HMGCLL1: variants seen among roughly 807,000 people sequenced by gnomAD.
HMGCLL1 encodes 3-hydroxymethyl-3-methylglutaryl-CoA lyase, cytoplasmic.
HMGCLL1 carries 36 observed loss-of-function variants against 39.1 expected under a neutral mutation model. The observed-to-expected ratio is 0.92, with a 90% confidence interval of 0.71 to 1.22. The LOEUF is 1.22. Among genes scored for constraint, HMGCLL1 ranks in the 50% most tolerant of loss-of-function variants. The pLI is 0.00. For missense variants in HMGCLL1, 451 were observed against 416.5 expected, an observed-to-expected ratio of 1.08 and a Z score of -0.72; for synonymous variants, 149 against 144.0, an observed-to-expected ratio of 1.03 and a Z score of -0.25.
intron 1 of HMGCLL1, among the ~76,000 whole-genome samples, chr6:55,547,769 C>T (rs1770074712): frequency 6.6e-6 from 1 of 151,962 alleles, no homozygotes; most frequent in African/African-American, 2.4e-5. Context: ...TTGAAATATG[C>T]ACATGGTGCA....
chr6:55,608,299 C>T, the HMGCLL1 span, among the ~76,000 whole-genome samples: 2 of 152,200 alleles, frequency 1.3e-5, no homozygotes, highest in African/African-American at 2.4e-5. Context: ...AAAGTCAACA[C>T]TCTTGCACTT....
At chr6:55,585,253 A>C in the HMGCLL1 span, among the ~76,000 whole-genome samples, 3 of 152,128 alleles carry the variant, frequency 2.0e-5, no homozygotes, top group Non-Finnish European at 4.4e-5. Flanking sequence ...ACATTTATCC[A>C]GATGTAGGAG....
the HMGCLL1 span, among the ~76,000 whole-genome samples, chr6:55,635,647 G>C: frequency 6.6e-6 from 1 of 152,090 alleles, no homozygotes; most frequent in Admixed American, 6.6e-5. Flanking sequence ...TGTGGAGAAG[G>C]TGCTGCATTA....
the HMGCLL1 span, among the ~76,000 whole-genome samples, chr6:55,600,978 A>G: frequency 6.6e-6 from 1 of 152,200 alleles, no homozygotes; most frequent in East Asian, 1.9e-4. Context: ...AGAAAGAGGT[A>G]TGTAATTTAA....
At chr6:55,538,652 AGTAATATGG>A (rs1581916535) in intron 3 of HMGCLL1, among the ~76,000 whole-genome samples, 1 of 152,200 alleles carries the variant, frequency 6.6e-6, no homozygotes, top group Non-Finnish European at 1.5e-5. Context: ...GAGAATTGAA[AGTAATATGG>A]TATTGTTCTC....
intron 3 of HMGCLL1, among the ~76,000 whole-genome samples, chr6:55,529,995 C>T (rs1315250373): frequency 1.4e-5 from 2 of 141,822 alleles, no homozygotes; most frequent in Non-Finnish European, 3.0e-5. Flanking sequence ...ATTGCTCTAC[C>T]AGAAAGCATG....
At chr6:55,654,548 T>G in the HMGCLL1 span, among the ~76,000 whole-genome samples, 1 of 151,882 alleles carries the variant, frequency 6.6e-6, no homozygotes, top group Non-Finnish European at 1.5e-5. Flanking sequence ...TCCTGGCAAT[T>G]AAAAGTTCTG....
At chr6:55,484,881 T>C (rs552001276) in intron 7 of HMGCLL1, among the ~76,000 whole-genome samples, 42 of 151,718 alleles carry the variant, frequency 2.8e-4, no homozygotes, top group African/African-American at 1.0e-3. Flanking sequence ...CCTTTTGAAA[T>C]GCAAGCCAGG....
Position 55,467,097 on chromosome 6 carries a change from C to A in HMGCLL1, c.796-27538G>T, listed in dbSNP as rs142509193. ...AACCTCCGTGGCCTTACCATAATGT[C>A]TTTTTGCCTGGAATCCTTGTCTATA... On this transcript the variant is annotated intron_variant, in intron 7 of 8. Coordinates refer to ENST00000274901, the MANE Select transcript of HMGCLL1 (RefSeq NM_001042406.2). 2.9e-3 allele frequency among the ~76,000 whole-genome samples: 439 copies of A among 152,118 alleles called. 1 individual carries two copies. Among genetic ancestry groups the A allele is most frequent in the Non-Finnish European group, 3.6e-3 (243 of 67,984 alleles).
the HMGCLL1 span, among the ~76,000 whole-genome samples, chr6:55,670,389 A>T: frequency 3.3e-5 from 5 of 152,008 alleles, no homozygotes; most frequent in South Asian, 1.0e-3. Context: ...AAATTATACC[A>T]GAAGAAAATA....
chr6:55,634,200 G>T, the HMGCLL1 span, among the ~76,000 whole-genome samples: 1 of 151,972 alleles, frequency 6.6e-6, no homozygotes, highest in Non-Finnish European at 1.5e-5. Flanking sequence ...GAGCAGGGAG[G>T]TCATTAGCCA....
the HMGCLL1 span, among the ~76,000 whole-genome samples, chr6:55,674,541 C>T: frequency 6.6e-6 from 1 of 151,934 alleles, no homozygotes; most frequent in Non-Finnish European, 1.5e-5. Flanking sequence ...GTAAATTTAC[C>T]TTTCCTCCAT....
At chr6:55,676,401 C>G in the HMGCLL1 span, among the ~76,000 whole-genome samples, 2 of 152,120 alleles carry the variant, frequency 1.3e-5, no homozygotes, top group African/African-American at 4.8e-5. Context: ...TTCAGACCAA[C>G]GTCTTCCAAA....
the HMGCLL1 span, among the ~76,000 whole-genome samples, chr6:55,663,237 A>G: frequency 2.7e-5 from 4 of 149,322 alleles, no homozygotes; most frequent in African/African-American, 7.4e-5. Flanking sequence ...TTTGGGGTTG[A>G]TTTTCTTTTG....
the HMGCLL1 span, among the ~76,000 whole-genome samples, chr6:55,661,058 G>T: frequency 6.6e-6 from 1 of 151,758 alleles, no homozygotes; most frequent in East Asian, 1.9e-4. Context: ...CTTTTTAATG[G>T]GGTTGTTTGT....
At chr6:55,474,774 T>C (rs972721049) in intron 7 of HMGCLL1, among the ~76,000 whole-genome samples, 1 of 151,626 alleles carries the variant, frequency 6.6e-6, no homozygotes. Flanking sequence ...AGATTATATG[T>C]TTATCTGGCT....
the HMGCLL1 span, among the ~76,000 whole-genome samples, chr6:55,651,378 C>T: frequency 6.6e-6 from 1 of 152,014 alleles, no homozygotes; most frequent in Admixed American, 6.6e-5. Context: ...AGAAATGTTA[C>T]CTATAAGCTA....
At chr6:55,553,180 C>T (rs1485535312) in intron 1 of HMGCLL1, among the ~76,000 whole-genome samples, 2 of 75,452 alleles carry the variant, frequency 2.7e-5, no homozygotes, top group African/African-American at 1.1e-4. Flanking sequence ...TATATACATA[C>T]ACACACACAC....
chr6:55,510,037 T>C, intron 5 of HMGCLL1, among the ~76,000 whole-genome samples: 1 of 151,884 alleles, frequency 6.6e-6, no homozygotes, highest in East Asian at 1.9e-4. Context: ...TAATCTATGT[T>C]TGTCTCTATT....
Sources: allele counts gnomAD v4.1 joint callset (sites outside exome capture counted in the v4.1 genomes callset), GRCh38; gene constraint gnomAD v4.1.1; transcripts MANE v1.5; gene names NCBI Gene and HGNC (gene_info 2026-07-23, HGNC 2026-07-21).